CLVS1: variants seen among roughly 807,000 people sequenced by gnomAD.
CLVS1 encodes clavesin 1, also known as clavesin-1.
In CLVS1, 10 loss-of-function variants were observed where a neutral mutation model predicts 33.1. The ratio of observed to expected loss-of-function variants is 0.30; its 90% CI spans 0.19 to 0.51. CLVS1 has a LOEUF of 0.51. Among genes scored for constraint, CLVS1 ranks in the 20% least tolerant of loss-of-function variants. The pLI is 0.97. For synonymous variants in CLVS1, 163 were observed against 166.1 expected, an observed-to-expected ratio of 0.98 and a Z score of 0.14; for missense variants, 343 against 433.4, an observed-to-expected ratio of 0.79 and a Z score of 1.85.
upstream of CLVS1, among the ~76,000 whole-genome samples, chr8:61,053,975 T>G (rs1804429906): frequency 6.6e-6 from 1 of 152,194 alleles, no homozygotes; most frequent in Non-Finnish European, 1.5e-5. Context: ...CTTCCATATT[T>G]CATTTCCTAG....
At chr8:61,360,082 A>T (rs1812912613) in intron 2 of CLVS1, among the ~76,000 whole-genome samples, 1 of 152,142 alleles carries the variant, frequency 6.6e-6, no homozygotes, top group South Asian at 2.1e-4. Context: ...GAAAGGGCAG[A>T]CTTGAGTGGA....
intron 3 of CLVS1, among the ~76,000 whole-genome samples, chr8:61,434,939 G>T (rs1275826134): frequency 6.6e-6 from 1 of 152,200 alleles, no homozygotes; most frequent in East Asian, 1.9e-4. Context: ...TCAAGATATG[G>T]CAAGGAAATA....
At chr8:61,315,278 T>G (rs1810971614) in intron 2 of CLVS1, among the ~76,000 whole-genome samples, 1 of 152,226 alleles carries the variant, frequency 6.6e-6, no homozygotes, top group Non-Finnish European at 1.5e-5. Context: ...CTTTTTGAGC[T>G]ATTAAAGATA....
chr8:61,450,761 T>C (rs1816922667), intron 3 of CLVS1, among the ~76,000 whole-genome samples: 1 of 152,144 alleles, frequency 6.6e-6, no homozygotes, highest in African/African-American at 2.4e-5. Context: ...TAAAAAATGA[T>C]CACATTTAAA....
Position 61,154,927 on chromosome 8 carries a change from A to T in CLVS1, c.-152+23067A>T, listed in dbSNP as rs542555481. 4.0e-4 allele frequency among the ~76,000 whole-genome samples: 61 copies of T among 152,316 alleles called. 2 individuals carry two copies. In the South Asian group the frequency reaches 8.7e-3, roughly 22 times the overall value. On this transcript the variant is annotated intron_variant, in intron 2 of 2. Coordinates refer to the CLVS1 transcript ENST00000522621. ...AAGCATGAGCTGTCCAGGCCAGCTGATGCTAATTATTCTCACATCCATTAA... is the reference window on the plus strand; with the variant it reads ...AAGCATGAGCTGTCCAGGCCAGCTGTTGCTAATTATTCTCACATCCATTAA...
At chr8:61,303,619 G>A (rs1290171979) in intron 2 of CLVS1, among the ~76,000 whole-genome samples, 3 of 152,170 alleles carry the variant, frequency 2.0e-5, no homozygotes, top group East Asian at 1.9e-4. Context: ...GTAATGACAA[G>A]GCTATTCCAT....
At chr8:61,051,258 C>T in the CLVS1 span, among the ~76,000 whole-genome samples, 3 of 152,252 alleles carry the variant, frequency 2.0e-5, no homozygotes, top group African/African-American at 7.2e-5. Flanking sequence ...TGGCTGTTGC[C>T]AGCTGGGAGG....
At chr8:61,224,140 A>G (rs1299967043) in intron 2 of CLVS1, among the ~76,000 whole-genome samples, 2 of 151,958 alleles carry the variant, frequency 1.3e-5, no homozygotes, top group Admixed American at 1.3e-4. Flanking sequence ...ATAGATTTTT[A>G]TTAACCATCT....
chr8:61,011,846 A>G, the CLVS1 span, among the ~76,000 whole-genome samples: 1 of 152,214 alleles, frequency 6.6e-6, no homozygotes, highest in Non-Finnish European at 1.5e-5. Flanking sequence ...GACTGTAACA[A>G]AGTAATTGGG....
chr8:61,161,673 G>A (rs776202056), intron 2 of CLVS1, among the ~76,000 whole-genome samples: 3 of 152,008 alleles, frequency 2.0e-5, no homozygotes, highest in Non-Finnish European at 4.4e-5. Context: ...TTGGTCAAAG[G>A]GTACACAATT....
At chr8:61,212,319 G>T (rs1185043077) in intron 2 of CLVS1, among the ~76,000 whole-genome samples, 2 of 152,208 alleles carry the variant, frequency 1.3e-5, no homozygotes, top group Non-Finnish European at 2.9e-5. Context: ...GAGGTAGGCA[G>T]TGAGGTGGCG....
At chr8:61,093,573 T>G (rs1805293238) in intron 1 of CLVS1, among the ~76,000 whole-genome samples, 1 of 152,224 alleles carries the variant, frequency 6.6e-6, no homozygotes, top group South Asian at 2.1e-4. Context: ...GAAGGAAATG[T>G]CAGTGTTAAA....
At chr8:61,124,032 C>T (rs1805927618) in intron 1 of CLVS1, among the ~76,000 whole-genome samples, 1 of 152,034 alleles carries the variant, frequency 6.6e-6, no homozygotes, top group Non-Finnish European at 1.5e-5. Flanking sequence ...CAAAAAGACT[C>T]CTACTTTCAA....
chr8:61,016,611 T>G, the CLVS1 span, among the ~76,000 whole-genome samples: 1 of 152,214 alleles, frequency 6.6e-6, no homozygotes, highest in African/African-American at 2.4e-5. Context: ...TGATTATCAC[T>G]CTGGCAAAAT....
intron 1 of CLVS1, among the ~76,000 whole-genome samples, chr8:61,120,950 T>G (rs1024995635): frequency 1.3e-5 from 2 of 149,098 alleles, no homozygotes; most frequent in Admixed American, 1.3e-4. Flanking sequence ...GCCTGGGCAA[T>G]GGCGGGTGCC....
At chr8:61,138,310 T>TA (rs1806229022) in intron 2 of CLVS1, among the ~76,000 whole-genome samples, 1 of 152,202 alleles carries the variant, frequency 6.6e-6, no homozygotes, top group Non-Finnish European at 1.5e-5. Context: ...CCCAGAAAAT[T>TA]ACATTGTTCC....
intron 3 of CLVS1, among the ~76,000 whole-genome samples, chr8:61,399,308 A>G (rs1040518213): frequency 6.6e-6 from 1 of 152,056 alleles, no homozygotes; most frequent in African/African-American, 2.4e-5. Flanking sequence ...GCTGTTTTTC[A>G]TGTGTTTGTT....
At chr8:61,215,892 C>T (rs1808074639) in intron 2 of CLVS1, among the ~76,000 whole-genome samples, 1 of 152,134 alleles carries the variant, frequency 6.6e-6, no homozygotes, top group Non-Finnish European at 1.5e-5. Flanking sequence ...TCCTACCGCC[C>T]CTGGGTCATT....
At chr8:61,458,568 C>CG (rs1563562219) in intron 5 of CLVS1, 26 bp downstream of exon 5, 1 of 1,473,960 alleles carries the variant, frequency 6.8e-7, no homozygotes, top group African/African-American at 1.4e-5. Flanking sequence ...TCAGAGCCCC[C>CG]CCCCCAGTCA....
Sources: allele counts gnomAD v4.1 joint callset (sites outside exome capture counted in the v4.1 genomes callset), GRCh38; gene constraint gnomAD v4.1.1; transcripts MANE v1.5; gene names NCBI Gene and HGNC (gene_info 2026-07-23, HGNC 2026-07-21).